The following CGGBP1 variants were observed in gnomAD, a reference collection of about 807,000 sequenced individuals.
The protein encoded by CGGBP1 is CGG triplet repeat-binding protein 1.
A neutral mutation model predicts 11.4 loss-of-function variants in CGGBP1; 4 were observed. The observed-to-expected ratio is 0.35, with a 90% CI of 0.17 to 0.80. CGGBP1 has a LOEUF of 0.80. CGGBP1 is among the 30% of genes least tolerant of loss of function. The probability of loss-of-function intolerance (pLI) is 0.52; values close to 1 mark genes in which losing one functional copy is unlikely to be tolerated. For missense variants in CGGBP1, 135 were observed against 202.1 expected (o/e 0.67, Z 2.01); for synonymous variants, 76 against 74.1 (o/e 1.03, Z -0.13).
At position 88,054,053 on chromosome 3, in the gene CGGBP1, TCTAA is replaced by T. The variant is rs1321722279; in HGVS notation, c.*1416_*1419del. ...AAAGCTGTTACTGAAAAATACACAA[TCTAA>T]CTTTTTTTCACTTTGGCTTTTTCTT... On this transcript the variant is annotated 3_prime_UTR_variant, in exon 4 of 4. Transcript: ENST00000482016. 2.0e-5 allele frequency: 3 copies of T among 152,548 alleles called. No homozygotes were observed. The highest frequency in any genetic ancestry group is 6.5e-5 in the Admixed American group (1 of 15,276). 9.4% of individuals were successfully genotyped at this position (152,548 alleles called of 1,614,324 possible).
At chr3:88,078,075 G>A (rs916642807) in intron 2 of CGGBP1, among the ~76,000 whole-genome samples, 2 of 152,288 alleles carry the variant, frequency 1.3e-5, no homozygotes. Flanking sequence ...ATATTAGCAA[G>A]TATAATACTC....
At chr3:88,099,462 A>G (rs1704268441) in intron 2 of CGGBP1, among the ~76,000 whole-genome samples, 1 of 152,222 alleles carries the variant, frequency 6.6e-6, no homozygotes, top group Admixed American at 6.5e-5. Context: ...TCTTCACAGA[A>G]TTGGAAAAAA....
At chr3:88,139,367 T>C in intron 2 of CGGBP1, 1 of 1,613,372 alleles carries the variant, frequency 6.2e-7, no homozygotes, top group South Asian at 1.1e-5. Flanking sequence ...CCCAGGCTCA[T>C]CAGAAAAAAG....
intron 2 of CGGBP1, chr3:88,140,098 G>A: frequency 6.2e-7 from 1 of 1,613,802 alleles, no homozygotes; most frequent in East Asian, 2.2e-5. Flanking sequence ...AATAGACATA[G>A]CTATCCAAAT....
upstream of CGGBP1, chr3:88,059,246 G>C (rs1019908902): frequency 3.3e-6 from 5 of 1,526,620 alleles, no homozygotes; most frequent in Non-Finnish European, 4.4e-6. Flanking sequence ...TAGAGAGGAG[G>C]AGGAGGTTAG....
chr3:88,059,610 C>T (rs1269252825), upstream of CGGBP1: 7 of 1,398,894 alleles, frequency 5.0e-6, no homozygotes, highest in South Asian at 7.7e-5. Flanking sequence ...GTGCCCGCTC[C>T]TCCCCAACAA....
At chr3:88,118,641 A>G (rs192486385) in intron 2 of CGGBP1, among the ~76,000 whole-genome samples, 2 of 152,202 alleles carry the variant, frequency 1.3e-5, no homozygotes, top group Non-Finnish European at 2.9e-5. Flanking sequence ...GAAGGTCCTA[A>G]TCTTGGTAGT....
intron 2 of CGGBP1, chr3:88,086,360 A>G: frequency 6.5e-7 from 1 of 1,535,710 alleles, no homozygotes; most frequent in Non-Finnish European, 8.7e-7. Context: ...TCATTCCCAG[A>G]TGAATGTGAG....
chr3:88,059,901 C>T (rs968948243), upstream of CGGBP1, among the ~76,000 whole-genome samples: 5 of 152,064 alleles, frequency 3.3e-5, no homozygotes, highest in African/African-American at 1.2e-4. Context: ...TTCTGCCTTC[C>T]CCTCTCCGCC....
chr3:88,129,400 C>T (rs948315208), intron 2 of CGGBP1, among the ~76,000 whole-genome samples: 3 of 148,688 alleles, frequency 2.0e-5, no homozygotes, highest in East Asian at 2.0e-4. Flanking sequence ...GTAAAATGCT[C>T]ATGTTTATTT....
At chr3:88,093,560 AC>A (rs774228689) in intron 2 of CGGBP1, among the ~76,000 whole-genome samples, 68 of 152,200 alleles carry the variant, frequency 4.5e-4, no homozygotes, top group Non-Finnish European at 8.4e-4. Flanking sequence ...AAGAGAAAAG[AC>A]CAAAGGGTCT....
chr3:88,077,331 A>T (rs1473233759), intron 2 of CGGBP1, among the ~76,000 whole-genome samples: 16 of 139,686 alleles, frequency 1.1e-4, no homozygotes, highest in African/African-American at 3.7e-4. Context: ...GCAGACTTAA[A>T]TTGTTTTTTT....
rs1360630140 is a variant in CGGBP1 at position 88,055,115 on chromosome 3, A to G, written c.*358T>C. On this transcript the variant is annotated 3_prime_UTR_variant, in exon 4 of 4. Transcript: ENST00000482016. This position sits in a 1 kb window ranked among gnomAD's most constrained non-coding sequence, Gnocchi z 4.2. ...CTTCAATAGGCTAGTCTTCAATCCA[A>G]GTAATTAAGTAATCTCACAAGGAAT... The G allele has an allele frequency of 6.0e-6, 1 of 167,246 alleles. No individual in the cohort carries two copies. Among genetic ancestry groups the G allele is most frequent in the Non-Finnish European group, 1.3e-5 (1 of 78,576 alleles). The allele number at this position is 167,246 out of a possible 1,614,324, so 10.4% of individuals were successfully genotyped here. A position where few individuals can be genotyped will look rare whatever the true frequency, so the allele number is the denominator to read the frequency against.
rs1240822480 is a variant in CGGBP1, at chr3:88,054,596, A to G, written c.*877T>C. 1 of 151,756 alleles carries G rather than the reference A, an allele frequency of 6.6e-6. No individual in the cohort carries two copies. The highest frequency in any genetic ancestry group is 1.5e-5 in the Non-Finnish European group (1 of 67,824). 9.4% of individuals were successfully genotyped at this position (151,756 alleles called of 1,614,324 possible). On this transcript the variant is annotated 3_prime_UTR_variant, in exon 4 of 4. Transcript: ENST00000482016. ...AGTAATTTTATCTGATCTGTCAGCC[A>G]AAAAAAAATTACTAATTCTCTATAA... is the stretch of plus-strand genomic sequence containing the variant.
intron 3 of CGGBP1, 119 bp from the exon 4 acceptor site, chr3:88,056,118 G>T: frequency 1.5e-6 from 1 of 675,992 alleles, no homozygotes; most frequent in Non-Finnish European, 2.4e-6. Context: ...ATTCAAATTA[G>T]TAGACTGTGT....
chr3:88,056,635 CG>C (rs1356830126), intron 3 of CGGBP1: 1 of 152,080 alleles, frequency 6.6e-6, no homozygotes, highest in Non-Finnish European at 1.5e-5. Flanking sequence ...TGTATACCTC[CG>C]TTTTCCAAAA....
intron 2 of CGGBP1, among the ~76,000 whole-genome samples, chr3:88,114,227 A>G (rs181355490): frequency 6.6e-6 from 1 of 152,232 alleles, no homozygotes; most frequent in African/African-American, 2.4e-5. Flanking sequence ...ATAAAGGAGG[A>G]TGGGGATAGT....
intron 2 of CGGBP1, among the ~76,000 whole-genome samples, chr3:88,110,683 C>T (rs1050842993): frequency 6.6e-6 from 1 of 151,970 alleles, no homozygotes; most frequent in African/African-American, 2.4e-5. Context: ...GAGTTTTCTT[C>T]CGTAAGGAGA....
At chr3:88,070,463 C>G (rs537580170) in intron 2 of CGGBP1, among the ~76,000 whole-genome samples, 1 of 149,580 alleles carries the variant, frequency 6.7e-6, no homozygotes, top group African/African-American at 2.5e-5. Context: ...TTAAGAATTT[C>G]AAAACTTGCC....
Sources: allele counts gnomAD v4.1 joint callset (sites outside exome capture counted in the v4.1 genomes callset), GRCh38; gene constraint gnomAD v4.1.1; non-coding constraint Gnocchi (gnomAD v3.1); transcripts MANE v1.5; gene names NCBI Gene and HGNC (gene_info 2026-07-23, HGNC 2026-07-21).